The following HYDIN variants were observed in gnomAD, a reference collection of about 807,000 sequenced individuals.
HYDIN encodes axonemal central pair apparatus protein HYDIN.
In HYDIN, 132 loss-of-function variants were observed where a neutral mutation model predicts 403.9. The ratio of observed to expected loss-of-function variants is 0.33; its 90% CI spans 0.28 to 0.38. The LOEUF (loss-of-function observed/expected upper bound fraction) is 0.38, where lower values mean the gene tolerates loss of function less well. Ranked by LOEUF, HYDIN falls within the 10% of genes least tolerant of loss-of-function variation. The probability of loss-of-function intolerance (pLI) is 1.00; values close to 1 mark genes in which losing one functional copy is unlikely to be tolerated. For synonymous variants in HYDIN, 1,202 were observed against 1,891.7 expected (o/e 0.64, Z 9.46); for missense variants, 2,827 against 5,009.5 (o/e 0.56, Z 13.15).
At chr16:71,133,230 T>G (rs2084783098) in intron 8 of HYDIN, 2 of 454,676 alleles carry the variant, frequency 4.4e-6, no homozygotes, top group Admixed American at 2.4e-5. Flanking sequence ...TCTTGAGAGC[T>G]AGAGGAAATA....
chr16:71,129,578 C>T, intron 9 of HYDIN, 62 bp downstream of exon 9: 1 of 1,472,576 alleles, frequency 6.8e-7, no homozygotes, highest in Non-Finnish European at 9.1e-7. Context: ...GCGCTCTTAT[C>T]AAAGCAAGCC....
At chr16:71,133,672 G>C (rs937424868) in intron 8 of HYDIN, among the ~76,000 whole-genome samples, 3 of 152,118 alleles carry the variant, frequency 2.0e-5, no homozygotes, top group African/African-American at 7.2e-5. Flanking sequence ...GAAATGGGGA[G>C]CAAAAATCCT....
At chr16:71,120,910 C>T (rs534666470) in intron 9 of HYDIN, among the ~76,000 whole-genome samples, 11 of 152,256 alleles carry the variant, frequency 7.2e-5, no homozygotes, top group Admixed American at 5.9e-4. Context: ...TCCACGTTTG[C>T]CCACTCAAAT....
intron 18 of HYDIN, among the ~76,000 whole-genome samples, chr16:71,044,311 G>A (rs2081385497): frequency 7.4e-6 from 1 of 135,584 alleles, no homozygotes; most frequent in Non-Finnish European, 1.6e-5. Context: ...TTCCTTTTAA[G>A]GGAAAAAACC....
rs1376727328 is a variant in HYDIN at position 70,883,981 on chromosome 16, T to A, written c.9918A>T (p.Arg3306=). 1.4e-5 allele frequency: 23 copies of A among 1,614,008 alleles called. No individual in the cohort carries two copies. Among genetic ancestry groups the A allele is most frequent in the Non-Finnish European group, 1.9e-5 (23 of 1,180,048 alleles). The part of the protein sequence containing the change: ...EEFIAIDISG[R]DPAVHPAGIL... ...TGCCGGCAGGGTGGACTGCAGGGTC[T>A]CGGCCGGAGATATCGATGGCTATAA... Residue 3306 remains arginine, a synonymous_variant, in exon 59 of 86, where the codon CGA becomes CGT. Coordinates refer to ENST00000393567, the MANE Select transcript of HYDIN (RefSeq NM_001270974.2).
chr16:70,811,197 A>C (rs555820802), intron 84 of HYDIN: 126 of 152,280 alleles, frequency 8.3e-4, no homozygotes, highest in African/African-American at 2.9e-3. Flanking sequence ...TGAGGCAGGA[A>C]GATCACTTGA....
Position 71,028,566 on chromosome 16 carries a change from A to ATT in HYDIN, c.2769-693_2769-692dup, listed in dbSNP as rs61039757. ...TCAAATGTGTTTTTGTTTGTTTGGG[A>ATT]TTTTTTTTTTTCCCCACAGGCTTAC... On this transcript the variant is annotated intron_variant, in intron 19 of 85. Transcript: ENST00000393567. 5.4e-4 allele frequency among the ~76,000 whole-genome samples: 80 copies of ATT among 147,206 alleles called. 1 individual carries two copies. The highest frequency in any genetic ancestry group is 1.9e-3 in the African/African-American group (76 of 40,508).
chr16:71,115,998 T>C (rs1318798472), intron 9 of HYDIN, among the ~76,000 whole-genome samples: 1 of 152,142 alleles, frequency 6.6e-6, no homozygotes, highest in Non-Finnish European at 1.5e-5. Flanking sequence ...CCTCACATAG[T>C]TAACTTGTGT....
chr16:71,153,366 G>C (rs925241434), intron 6 of HYDIN, among the ~76,000 whole-genome samples: 1 of 151,774 alleles, frequency 6.6e-6, no homozygotes, highest in African/African-American at 2.4e-5. Context: ...AAGGGTGGGA[G>C]GGGTGTAGAG....
rs1389798180 is a variant in HYDIN, at chr16:71,084,371, A to G, written c.1670+3930T>C. Among the ~76,000 whole-genome samples the G allele has an allele frequency of 4.7e-5, 5 of 106,654 alleles. 2 individuals carry two copies. The highest frequency in any genetic ancestry group is 8.4e-5 in the Non-Finnish European group (5 of 59,454). 70.0% of individuals were successfully genotyped at this position (106,654 alleles called of 152,430 possible). ...TTGCTTATTTGGTTTTTGGATATGG[A>G]TATTTAACCCTATCTTTTTGTTTGT... On this transcript the variant is annotated intron_variant, in intron 12 of 85. Transcript: ENST00000393567.
chr16:71,169,168 G>A (rs937490683), intron 5 of HYDIN, among the ~76,000 whole-genome samples: 2 of 152,224 alleles, frequency 1.3e-5, no homozygotes, highest in African/African-American at 4.8e-5. Flanking sequence ...GCTCATGCCT[G>A]TAATCCTAGT....
chr16:71,195,523 T>C (rs1217762290), intron 1 of HYDIN, among the ~76,000 whole-genome samples: 2 of 152,214 alleles, frequency 1.3e-5, no homozygotes, highest in Non-Finnish European at 2.9e-5. Flanking sequence ...GGGGGTTTTC[T>C]AGGCATTCAC....
intron 53 of HYDIN, 120 bp from the exon 54 acceptor site, chr16:70,896,200 G>A: frequency 1.7e-6 from 2 of 1,210,090 alleles, no homozygotes; most frequent in Non-Finnish European, 2.2e-6. Flanking sequence ...TCCCCTGTAG[G>A]TATTTTATCT....
At chr16:71,197,767 T>C (rs989523782) in intron 1 of HYDIN, among the ~76,000 whole-genome samples, 4 of 151,942 alleles carry the variant, frequency 2.6e-5, no homozygotes, top group African/African-American at 9.7e-5. Flanking sequence ...TGTTTGTTTG[T>C]TTGAGACAGA....
chr16:71,038,783 C>T (rs1286539882), intron 18 of HYDIN, among the ~76,000 whole-genome samples: 5 of 152,070 alleles, frequency 3.3e-5, no homozygotes, highest in African/African-American at 1.2e-4. Context: ...GCCTCAGCCT[C>T]CAGAGTAGCT....
intron 1 of HYDIN, among the ~76,000 whole-genome samples, chr16:71,197,312 G>C (rs543634746): frequency 6.6e-6 from 1 of 152,234 alleles, no homozygotes; most frequent in African/African-American, 2.4e-5. Flanking sequence ...TATTGTTTTT[G>C]AGGAGTAAAG....
chr16:71,175,185 C>T (rs1217344754), intron 5 of HYDIN, among the ~76,000 whole-genome samples: 1 of 151,854 alleles, frequency 6.6e-6, no homozygotes, highest in Non-Finnish European at 1.5e-5. Context: ...CCACCACCAC[C>T]ACTACCACTA....
At chr16:71,123,858 T>C (rs920193560) in intron 9 of HYDIN, among the ~76,000 whole-genome samples, 6 of 152,212 alleles carry the variant, frequency 3.9e-5, no homozygotes, top group African/African-American at 1.4e-4. Flanking sequence ...TCTGCCACCA[T>C]GTAAGACATG....
intron 75 of HYDIN, among the ~76,000 whole-genome samples, chr16:70,842,620 A>G (rs1321256961): frequency 2.0e-5 from 3 of 151,874 alleles, no homozygotes; most frequent in Non-Finnish European, 4.4e-5. Flanking sequence ...CTTTGAATCC[A>G]AAGTGAGTCT....
Sources: gnomAD v4.1 joint callset for allele counts (sites outside exome capture counted in the v4.1 genomes callset) on GRCh38, gnomAD v4.1.1 for gene constraint, MANE v1.5 for transcripts, NCBI Gene and HGNC (gene_info 2026-07-23, HGNC 2026-07-21) for gene names.